The following NKAIN2 variants were observed in gnomAD, a reference collection of about 807,000 sequenced individuals.
The protein encoded by NKAIN2 is sodium/potassium-transporting ATPase subunit beta-1-interacting protein 2.
A neutral mutation model predicts 32.6 loss-of-function variants in NKAIN2; 14 were observed. That is an observed-to-expected ratio of 0.43 (90% CI 0.28 to 0.67). The LOEUF (loss-of-function observed/expected upper bound fraction) is 0.67, where lower values mean the gene tolerates loss of function less well. Ranked by LOEUF, NKAIN2 falls within the 30% of genes least tolerant of loss-of-function variation. The probability of loss-of-function intolerance (pLI) is 0.17; values close to 1 mark genes in which losing one functional copy is unlikely to be tolerated. For synonymous variants in NKAIN2, 80 were observed against 87.2 expected (o/e 0.92, Z 0.46); for missense variants, 198 against 258.3 (o/e 0.77, Z 1.60).
At chr6:124,399,949 G>A (rs988642363) in intron 3 of NKAIN2, among the ~76,000 whole-genome samples, 4 of 152,094 alleles carry the variant, frequency 2.6e-5, no homozygotes, top group Non-Finnish European at 4.4e-5. Context: ...GAAAAACAAG[G>A]ATGTTTTTAC....
At chr6:124,669,724 T>C (rs1349111584) in intron 4 of NKAIN2, among the ~76,000 whole-genome samples, 1 of 152,122 alleles carries the variant, frequency 6.6e-6, no homozygotes, top group Non-Finnish European at 1.5e-5. Flanking sequence ...ACTTCTTAAA[T>C]TCTCCTCTTT....
intron 1 of NKAIN2, among the ~76,000 whole-genome samples, chr6:123,862,135 C>T (rs1259185043): frequency 6.6e-6 from 1 of 152,152 alleles, no homozygotes; most frequent in Non-Finnish European, 1.5e-5. Flanking sequence ...CTCAAATCCT[C>T]TGTTTCTTCA....
At chr6:123,861,480 C>G (rs775336907) in intron 1 of NKAIN2, among the ~76,000 whole-genome samples, 21 of 152,094 alleles carry the variant, frequency 1.4e-4, no homozygotes, top group Admixed American at 1.3e-4. Context: ...GGTGATACAC[C>G]ATTGGAAGAC....
At chr6:123,809,693 A>G (rs1432146308) in intron 1 of NKAIN2, among the ~76,000 whole-genome samples, 2 of 152,160 alleles carry the variant, frequency 1.3e-5, no homozygotes, top group African/African-American at 2.4e-5. Flanking sequence ...TACTAGCTTC[A>G]TCTTCCTGAA....
At chr6:124,484,359 T>A (rs533245751) in intron 3 of NKAIN2, among the ~76,000 whole-genome samples, 2 of 152,200 alleles carry the variant, frequency 1.3e-5, no homozygotes, top group Non-Finnish European at 2.9e-5. Context: ...GCTTCTTTGT[T>A]TCTACGCCAA....
At chr6:124,701,254 T>C (rs1774777893) in intron 4 of NKAIN2, among the ~76,000 whole-genome samples, 1 of 152,022 alleles carries the variant, frequency 6.6e-6, no homozygotes, top group African/African-American at 2.4e-5. Context: ...TTACCTTCTC[T>C]TGATTATTTC....
intron 3 of NKAIN2, among the ~76,000 whole-genome samples, chr6:124,564,957 G>A (rs1225744400): frequency 2.0e-5 from 3 of 151,268 alleles, no homozygotes; most frequent in South Asian, 2.1e-4. Flanking sequence ...GGCTTTTATT[G>A]TTTAACAACT....
intron 3 of NKAIN2, among the ~76,000 whole-genome samples, chr6:124,654,440 A>C (rs1784468184): frequency 6.6e-6 from 1 of 152,174 alleles, no homozygotes; most frequent in African/African-American, 2.4e-5. Flanking sequence ...AAGAGAAAAT[A>C]CCAAAAAAGT....
At chr6:124,709,703 T>C (rs1775328220) in intron 4 of NKAIN2, among the ~76,000 whole-genome samples, 1 of 151,640 alleles carries the variant, frequency 6.6e-6, no homozygotes, top group Non-Finnish European at 1.5e-5. Context: ...TATCATTTTT[T>C]ATTGCGTCTA....
intron 6 of NKAIN2, among the ~76,000 whole-genome samples, chr6:124,819,905 C>T (rs146262326): frequency 1.3e-5 from 2 of 152,144 alleles, no homozygotes; most frequent in East Asian, 3.9e-4. Context: ...TTTTTTCTTG[C>T]CTTATCCAAA....
At chr6:124,733,498 A>G (rs1238348439) in intron 4 of NKAIN2, among the ~76,000 whole-genome samples, 1 of 151,870 alleles carries the variant, frequency 6.6e-6, no homozygotes, top group Non-Finnish European at 1.5e-5. Flanking sequence ...AACTGTACAT[A>G]AGCACTGTAC....
chr6:124,687,145 TA>T (rs1269849096), intron 4 of NKAIN2, among the ~76,000 whole-genome samples: 1 of 148,770 alleles, frequency 6.7e-6, no homozygotes, highest in Non-Finnish European at 1.5e-5. Context: ...AATATATATA[TA>T]TATGGAATAT....
chr6:124,787,702 C>G (rs1194448551), intron 4 of NKAIN2, among the ~76,000 whole-genome samples: 1 of 152,062 alleles, frequency 6.6e-6, no homozygotes, highest in African/African-American at 2.4e-5. Flanking sequence ...AAATGTTATA[C>G]TTTTGTAGGG....
At chr6:124,191,895 T>G (rs1169018034) in intron 1 of NKAIN2, among the ~76,000 whole-genome samples, 1 of 150,028 alleles carries the variant, frequency 6.7e-6, no homozygotes, top group Non-Finnish European at 1.5e-5. Flanking sequence ...GTGTTCAAAT[T>G]TATTGGTCTA....
rs1163937171 is a variant in NKAIN2, at chr6:124,825,153, C to T, written c.*1924C>T. 7.9e-5 allele frequency: 12 copies of T among 152,658 alleles called. No homozygotes were observed. Among genetic ancestry groups the T allele is most frequent in the South Asian group, 2.1e-4 (1 of 4,830 alleles). The allele number at this position is 152,658 out of a possible 1,614,324, so 9.5% of individuals were successfully genotyped here. A position where few individuals can be genotyped will look rare whatever the true frequency, so the allele number is the denominator to read the frequency against. On this transcript the variant is annotated 3_prime_UTR_variant, in exon 7 of 7. Transcript: ENST00000368417. ...AATACTATACATGCCAGAAACTATT[C>T]TAATGTGACTTTTAATGTGACTATT...
intron 1 of NKAIN2, among the ~76,000 whole-genome samples, chr6:124,243,694 A>C (rs2114783145): frequency 6.6e-6 from 1 of 151,966 alleles, no homozygotes; most frequent in East Asian, 1.9e-4. Context: ...CTCAGTATTT[A>C]TTTGGTTTTC....
intron 1 of NKAIN2, among the ~76,000 whole-genome samples, chr6:124,206,315 A>G (rs60220101): frequency 0.023 from 3,546 of 151,998 alleles, 128 homozygotes; most frequent in African/African-American, 0.082. Context: ...AGAACAAAAT[A>G]TATATAGCAA....
At chr6:124,590,789 G>A (rs1781882824) in intron 3 of NKAIN2, among the ~76,000 whole-genome samples, 1 of 145,138 alleles carries the variant, frequency 6.9e-6, no homozygotes, top group African/African-American at 2.5e-5. Context: ...CCCAAAGGAA[G>A]TATATGGCAA....
chr6:124,709,399 G>A (rs1427482236), intron 4 of NKAIN2, among the ~76,000 whole-genome samples: 1 of 151,218 alleles, frequency 6.6e-6, no homozygotes, highest in East Asian at 1.9e-4. Context: ...GATTGGAATA[G>A]TTTCAGAAGG....
Sources: allele counts gnomAD v4.1 joint callset (sites outside exome capture counted in the v4.1 genomes callset), GRCh38; gene constraint gnomAD v4.1.1; transcripts MANE v1.5; gene names NCBI Gene and HGNC (gene_info 2026-07-23, HGNC 2026-07-21).